Variants in LRP6 observed in about 807,000 individuals in gnomAD.
LRP6 encodes the protein low-density lipoprotein receptor-related protein 6.
In LRP6, 43 loss-of-function variants were observed where a neutral mutation model predicts 184.1. The observed-to-expected ratio is 0.23, with a 90% CI of 0.18 to 0.30. The LOEUF (loss-of-function observed/expected upper bound fraction) is 0.30. Ranked by LOEUF, LRP6 falls within the 10% of genes least tolerant of loss-of-function variation. The pLI, the probability that LRP6 is intolerant of heterozygous loss-of-function variation, is 1.00. For synonymous variants in LRP6, 719 were observed against 684.9 expected (o/e 1.05, Z -0.78); for missense variants, 1,571 against 2,005.3 (o/e 0.78, Z 4.14).
At chr12:12,247,430 C>A (rs1865214747) in intron 1 of LRP6, among the ~76,000 whole-genome samples, 1 of 152,164 alleles carries the variant, frequency 6.6e-6, no homozygotes, top group African/African-American at 2.4e-5. Flanking sequence ...AATCCAAAAA[C>A]GCTTTCTGGT....
rs1388981725 is a variant in LRP6, at chr12:12,151,057, G to GA, written c.2792-20dup. 1 of 1,596,168 alleles carries GA rather than the reference G, an allele frequency of 6.3e-7. No individual in the cohort carries two copies. Among genetic ancestry groups the GA allele is most frequent in the South Asian group, 1.1e-5 (1 of 90,028 alleles). ...GTAGGAGCTTAAAAGGAAGAAAAGA[G>GA]AAAATCTGAAATCTAGTTACCCTAC... On this transcript the variant is annotated intron_variant, in intron 12 of 22. Coordinates refer to ENST00000261349, the MANE Select transcript of LRP6 (RefSeq NM_002336.3).
chr12:12,128,288 T>C (rs935489275), intron 19 of LRP6, among the ~76,000 whole-genome samples: 3 of 152,246 alleles, frequency 2.0e-5, no homozygotes, highest in African/African-American at 7.2e-5. Flanking sequence ...TTACTATTTC[T>C]GATTATTCTT....
chr12:12,132,110 A>G, intron 17 of LRP6, 53 bp from the exon 18 acceptor site: 1 of 1,139,042 alleles, frequency 8.8e-7, no homozygotes, highest in East Asian at 2.3e-5. Context: ...ATGGTCACAC[A>G]GAAGTACAAA....
At chr12:12,216,014 A>AAATAAT (rs1029176316) in intron 2 of LRP6, among the ~76,000 whole-genome samples, 1 of 152,056 alleles carries the variant, frequency 6.6e-6, no homozygotes, top group Non-Finnish European at 1.5e-5. Context: ...CTGCCTCAAA[A>AAATAAT]AATAATAATA....
intron 2 of LRP6, among the ~76,000 whole-genome samples, chr12:12,236,326 A>C (rs1253781388): frequency 6.6e-6 from 1 of 152,232 alleles, no homozygotes. Context: ...AATCTGCAAC[A>C]ATTTGAGCAA....
chr12:12,215,700 A>G (rs1864325384), intron 2 of LRP6, among the ~76,000 whole-genome samples: 1 of 151,372 alleles, frequency 6.6e-6, no homozygotes. Flanking sequence ...GGTATTAAAG[A>G]TCAGAGTTTT....
chr12:12,225,853 CAGAG>C (rs1864609048), intron 2 of LRP6, among the ~76,000 whole-genome samples: 2 of 146,914 alleles, frequency 1.4e-5, no homozygotes, highest in African/African-American at 5.1e-5. Context: ...ACCTAGGCGA[CAGAG>C]AAAGACTGTG....
At chr12:12,212,898 G>A (rs181240222) in intron 2 of LRP6, among the ~76,000 whole-genome samples, 1 of 152,166 alleles carries the variant, frequency 6.6e-6, no homozygotes, top group East Asian at 1.9e-4. Context: ...AACTTATCCA[G>A]CTCACCTCAC....
rs755158176 is a variant in LRP6, at chr12:12,147,380, C to T, written c.3383G>A (p.Ser1128Asn). The T allele has an allele frequency of 2.5e-6, 4 of 1,614,138 alleles. No individual in the cohort carries two copies. Among genetic ancestry groups the T allele is most frequent in the Non-Finnish European group, 3.4e-6 (4 of 1,180,012 alleles). Residue 1128 changes from serine to asparagine, a missense_variant, in exon 15 of 23, where the codon AGC becomes AAC. Coordinates refer to ENST00000261349, the MANE Select transcript of LRP6 (RefSeq NM_002336.3). ...WADSDLRRIESSDLSGANRIV... is the reference protein window; with the variant it reads ...WADSDLRRIENSDLSGANRIV... ...TTCTTGGGTACCTGAGAGATCACTG[C>T]TTTCAATTCGCCGGAGATCTGAATC...
In LRP6 at chr12:12,266,833, C is replaced by T; in HGVS notation, c.-98G>A. 1 of 950,874 alleles carries T rather than the reference C, an allele frequency of 1.1e-6. No individual in the cohort carries two copies. The highest frequency in any genetic ancestry group is 1.7e-6 in the Non-Finnish European group (1 of 594,426). 58.9% of individuals were successfully genotyped at this position (950,874 alleles called of 1,614,324 possible). On this transcript the variant is annotated 5_prime_UTR_variant, in exon 1 of 23. Coordinates refer to ENST00000261349, the MANE Select transcript of LRP6 (RefSeq NM_002336.3). Reference sequence around the variant, plus strand: ...GCCGCCGCAGCGGCAGGGCTGCACGCTCATACTTCCCAGCTTCCCAGCGAG... The same window carrying T: ...GCCGCCGCAGCGGCAGGGCTGCACGTTCATACTTCCCAGCTTCCCAGCGAG...
chr12:12,143,103 T>C (rs917592613), intron 15 of LRP6, among the ~76,000 whole-genome samples: 3 of 152,144 alleles, frequency 2.0e-5, no homozygotes, highest in Non-Finnish European at 4.4e-5. Flanking sequence ...AAAAAGAAAT[T>C]GTATTTCCAT....
At position 12,159,055 on chromosome 12, in the gene LRP6, A is replaced by G. The variant is rs554464577; in HGVS notation, c.2565T>C (p.Ile855=). The G allele has an allele frequency of 8.7e-6, 14 of 1,614,158 alleles. No homozygotes were observed. In the South Asian group the frequency reaches 1.1e-4, roughly 13 times the overall value. ...IYWTDWSRRS[I]ERANKTSGQN... is the part of the protein sequence containing the mutation. ...GGCCACTGGTTTTGTTGGCACGCTC[A>G]ATGCTGCGTCGGCTCCAGTCCGTCC... The change falls in exon 12 of 23, where the codon ATT becomes ATC. Residue 855 remains isoleucine (I), a synonymous_variant. Coordinates refer to ENST00000261349, the MANE Select transcript of LRP6 (RefSeq NM_002336.3).
chr12:12,239,887 A>G (rs1865017773), intron 2 of LRP6, among the ~76,000 whole-genome samples: 1 of 152,116 alleles, frequency 6.6e-6, no homozygotes, highest in Admixed American at 6.5e-5. Flanking sequence ...GCTAGGAGAT[A>G]TGGAGCATAA....
chr12:12,138,165 C>T (rs572445920), intron 16 of LRP6, among the ~76,000 whole-genome samples, 160 bp downstream of exon 16: 19 of 149,578 alleles, frequency 1.3e-4, no homozygotes, highest in Non-Finnish European at 1.9e-4. Context: ...AGTGAGACTC[C>T]GTCTCCAAAA....
At chr12:12,201,142 T>C (rs1360838048) in intron 3 of LRP6, among the ~76,000 whole-genome samples, 3 of 152,218 alleles carry the variant, frequency 2.0e-5, no homozygotes, top group Non-Finnish European at 4.4e-5. Context: ...TGAGATCTAC[T>C]AGCCGTTGAT....
intron 16 of LRP6, among the ~76,000 whole-genome samples, chr12:12,137,935 G>A (rs113917599): frequency 5.3e-5 from 8 of 151,866 alleles, no homozygotes; most frequent in Non-Finnish European, 1.2e-4. Flanking sequence ...GGCCAAGGTG[G>A]GCAGATCACT....
At chr12:12,235,488 T>TG (rs1249459113) in intron 2 of LRP6, among the ~76,000 whole-genome samples, 1 of 152,006 alleles carries the variant, frequency 6.6e-6, no homozygotes, top group East Asian at 1.9e-4. Context: ...TCACGCACTT[T>TG]GGGAGGCCAA....
intron 12 of LRP6, among the ~76,000 whole-genome samples, chr12:12,154,099 G>A (rs1246895707): frequency 6.6e-6 from 1 of 152,130 alleles, no homozygotes; most frequent in Admixed American, 6.5e-5. Flanking sequence ...CTTCAGTACT[G>A]AATAAAGGAT....
At chr12:12,222,700 T>C (rs1864524053) in intron 2 of LRP6, among the ~76,000 whole-genome samples, 2 of 152,238 alleles carry the variant, frequency 1.3e-5, no homozygotes, top group South Asian at 4.2e-4. Context: ...TATATATACA[T>C]ACTTATGACA....
Sources: gnomAD v4.1 joint callset for allele counts (sites outside exome capture counted in the v4.1 genomes callset) on GRCh38, gnomAD v4.1.1 for gene constraint, MANE v1.5 for transcripts, NCBI Gene and HGNC (gene_info 2026-07-23, HGNC 2026-07-21) for gene names.